Variants in TIAM1 observed in about 807,000 individuals in gnomAD.
TIAM1 encodes the protein TIAM Rac1 associated GEF 1, also known as rho guanine nucleotide exchange factor TIAM1.
Under a neutral mutation model 163.5 loss-of-function variants are expected in TIAM1, and 65 were observed. The observed-to-expected ratio is 0.40, with a 90% confidence interval of 0.33 to 0.49. The LOEUF is 0.49. TIAM1 is among the 20% of genes least tolerant of loss of function. The pLI, the probability that TIAM1 is intolerant of heterozygous loss-of-function variation, is 0.77. For missense variants in TIAM1, 1,789 were observed against 2,044.7 expected (o/e 0.87, Z 2.41); for synonymous variants, 833 against 810.1 (o/e 1.03, Z -0.48).
chr21:31,345,513 T>C (rs2147106715), upstream of TIAM1, among the ~76,000 whole-genome samples: 1 of 151,930 alleles, frequency 6.6e-6, no homozygotes, highest in East Asian at 1.9e-4. Context: ...CATATGTATA[T>C]GAACATGAAG....
At chr21:31,402,125 A>C (rs766789337) in intron 2 of TIAM1, among the ~76,000 whole-genome samples, 102 of 152,146 alleles carry the variant, frequency 6.7e-4, no homozygotes, top group Non-Finnish European at 1.2e-3. Context: ...AGGCAGGAGA[A>C]TCGCTTGAAC....
rs574891273 is a variant in TIAM1 at position 31,335,504 on chromosome 21, A to G, written c.-189+3739T>C. ...TGGATCACCTGAGGTCAGGAGTTCA[A>G]GACCATCCTGGCCAACACGGTGAAA... is the stretch of plus-strand genomic sequence containing the variant. On this transcript the variant is annotated intron_variant, in intron 2 of 27. Transcript: ENST00000541036. Among the ~76,000 whole-genome samples the G allele has an allele frequency of 5.4e-4, 82 of 152,244 alleles. 3 individuals carry two copies. In the South Asian group the frequency reaches 0.017, roughly 31 times the overall value.
intron 2 of TIAM1, among the ~76,000 whole-genome samples, chr21:31,403,947 G>A (rs535871915): frequency 5.5e-4 from 83 of 152,224 alleles, no homozygotes; most frequent in African/African-American, 2.0e-3. Context: ...ATGGGATCAC[G>A]GAGGCAGGAG....
chr21:31,213,311 T>C (rs1001228116), intron 10 of TIAM1, 87 bp downstream of exon 10: 2 of 1,168,654 alleles, frequency 1.7e-6, no homozygotes, highest in Non-Finnish European at 2.4e-6. Context: ...GTTTACTTAA[T>C]TTTAGTAGCT....
At chr21:31,185,775 T>G (rs1399835225) in intron 14 of TIAM1, among the ~76,000 whole-genome samples, 1 of 151,508 alleles carries the variant, frequency 6.6e-6, no homozygotes, top group Non-Finnish European at 1.5e-5. Context: ...ATGACTGGTG[T>G]TCTTATAAGA....
chr21:31,420,711 G>A (rs541501838), intron 2 of TIAM1, among the ~76,000 whole-genome samples: 1 of 152,258 alleles, frequency 6.6e-6, no homozygotes, highest in Middle Eastern at 3.4e-3. Context: ...TATCTAGGGG[G>A]TCAAATAGGG....
chr21:31,146,938 G>A lies in TIAM1; in HGVS notation c.3432C>T (p.Ala1144=), dbSNP rs759007864. The A allele has an allele frequency of 2.5e-5, 40 of 1,613,994 alleles. No individual in the cohort carries two copies. Among genetic ancestry groups the A allele is most frequent in the Non-Finnish European group, 1.6e-5 (19 of 1,180,034 alleles). Residue 1144 remains alanine, a synonymous_variant, in exon 20 of 28, where the codon GCC becomes GCT. Transcript: ENST00000541036. ...GAACTTTTGTGTGGCTGGCGCAGAA[G>A]GCACTGTAGAGCTTGAAGCGGTCAG... is the stretch of plus-strand genomic sequence containing the variant. The part of the protein sequence containing the change: ...YYADRFKLYS[A]FCASHTKVPK...
At chr21:31,226,093 T>C in intron 6 of TIAM1, 143 bp from the exon 7 acceptor site, 1 of 670,116 alleles carries the variant, frequency 1.5e-6, no homozygotes, top group Non-Finnish European at 2.5e-6. Context: ...CCTGACCTCC[T>C]CTTTCTTCAG....
intron 2 of TIAM1, among the ~76,000 whole-genome samples, chr21:31,411,963 T>C (rs1465732101): frequency 6.7e-6 from 1 of 149,026 alleles, no homozygotes; most frequent in African/African-American, 2.4e-5. Context: ...GAAATCGTTA[T>C]ATCAGAAAGA....
intron 2 of TIAM1, among the ~76,000 whole-genome samples, chr21:31,365,383 C>CTTTTTTTTTTTTT (rs201546931): frequency 5.8e-5 from 8 of 138,410 alleles, no homozygotes; most frequent in African/African-American, 1.9e-4. Context: ...TCACTTATTT[C>CTTTTTTTTTTTTT]TTTCTTTTTT....
At chr21:31,330,411 G>T (rs201084656) in intron 2 of TIAM1, among the ~76,000 whole-genome samples, 1 of 151,126 alleles carries the variant, frequency 6.6e-6, no homozygotes, top group Admixed American at 6.6e-5. Context: ...TTGGTTTTTT[G>T]CATGGTTCTT....
intron 2 of TIAM1, among the ~76,000 whole-genome samples, chr21:31,299,280 C>T (rs917550085): frequency 3.9e-5 from 6 of 152,206 alleles, no homozygotes; most frequent in African/African-American, 9.7e-5. Context: ...CTATGCCTTT[C>T]GCAGCCCTCC....
intron 9 of TIAM1, 72 bp from the exon 10 acceptor site, chr21:31,213,544 G>T: frequency 7.6e-7 from 1 of 1,317,548 alleles, no homozygotes; most frequent in South Asian, 1.2e-5. Flanking sequence ...GAAGGGGGAA[G>T]GAAATGGGCA....
intron 22 of TIAM1, 42 bp from the exon 23 acceptor site, chr21:31,136,083 T>A (rs200360843): frequency 2.1e-4 from 310 of 1,509,216 alleles, no homozygotes; most frequent in Non-Finnish European, 2.7e-4. Flanking sequence ...GGTGGTGTTA[T>A]CAATACTCAG....
intron 10 of TIAM1, among the ~76,000 whole-genome samples, chr21:31,210,810 GA>G (rs2086847561): frequency 2.0e-5 from 3 of 149,022 alleles, no homozygotes; most frequent in Admixed American, 6.6e-5. Flanking sequence ...AAGAAAGAAA[GA>G]AAGGTCACCA....
At chr21:31,471,945 G>C (rs899016050) in intron 1 of TIAM1, among the ~76,000 whole-genome samples, 2 of 149,074 alleles carry the variant, frequency 1.3e-5, no homozygotes, top group Non-Finnish European at 3.0e-5. Flanking sequence ...TGAGAGGGGC[G>C]GGAGCCTTGA....
chr21:31,489,178 T>C (rs2046372659), intron 1 of TIAM1, among the ~76,000 whole-genome samples: 1 of 151,086 alleles, frequency 6.6e-6, no homozygotes, highest in Non-Finnish European at 1.5e-5. Flanking sequence ...GAGAACAGCC[T>C]GGGCAACATA....
chr21:31,304,088 G>T (rs922937502), intron 2 of TIAM1, among the ~76,000 whole-genome samples: 2 of 152,222 alleles, frequency 1.3e-5, no homozygotes, highest in Non-Finnish European at 2.9e-5. Flanking sequence ...TGCTGGCTTG[G>T]TGGGGCTTCT....
rs566895985 is a variant in TIAM1, at chr21:31,295,972, T to C, written c.-188-19064A>G. ...AACACCGCTCCTGGCTAATTTTTTG[T>C]ATGTTTACTAGAGACGGGTTTTCGC... On this transcript the variant is annotated intron_variant, in intron 2 of 27. Coordinates refer to ENST00000541036, the MANE Select transcript of TIAM1 (RefSeq NM_001353694.2). Among the ~76,000 whole-genome samples, 128 of 152,226 alleles carry C rather than the reference T, an allele frequency of 8.4e-4. 1 individual carries two copies. The highest frequency in any genetic ancestry group is 2.8e-3 in the African/African-American group (118 of 41,556).
Sources: gnomAD v4.1 joint callset for allele counts (sites outside exome capture counted in the v4.1 genomes callset) on GRCh38, gnomAD v4.1.1 for gene constraint, MANE v1.5 for transcripts, NCBI Gene and HGNC (gene_info 2026-07-23, HGNC 2026-07-21) for gene names.